Variants in KCNN2 observed in about 807,000 individuals in gnomAD.
The protein encoded by KCNN2 is potassium calcium-activated channel subfamily N member 2, also known as small conductance calcium-activated potassium channel protein 2.
Under a neutral mutation model 55.5 loss-of-function variants are expected in KCNN2, and 24 were observed. The observed-to-expected ratio is 0.43, with a 90% CI of 0.31 to 0.61. The LOEUF is 0.61. Among genes scored for constraint, KCNN2 ranks in the 20% least tolerant of loss-of-function variants. The pLI is 0.08. For synonymous variants in KCNN2, 431 were observed against 336.1 expected (o/e 1.28, Z -3.09); for missense variants, 754 against 853.6 (o/e 0.88, Z 1.45).
intron 2 of KCNN2, among the ~76,000 whole-genome samples, chr5:114,243,426 G>A (rs1754683296): frequency 6.6e-6 from 1 of 152,162 alleles, no homozygotes; most frequent in South Asian, 2.1e-4. Flanking sequence ...TGAGTAGCGT[G>A]ATGAAATCTC....
intron 2 of KCNN2, among the ~76,000 whole-genome samples, chr5:114,295,989 A>G (rs1756005043): frequency 6.6e-6 from 1 of 152,252 alleles, no homozygotes; most frequent in South Asian, 2.1e-4. Flanking sequence ...GGTAATAGTC[A>G]TAAGTACTAC....
chr5:114,293,684 T>A (rs1755945528), intron 2 of KCNN2, among the ~76,000 whole-genome samples: 1 of 152,234 alleles, frequency 6.6e-6, no homozygotes, highest in African/African-American at 2.4e-5. Context: ...GAGGCTTTGG[T>A]ATCAGGATGA....
chr5:114,179,571 C>T (rs553865545), intron 1 of KCNN2, among the ~76,000 whole-genome samples: 1 of 152,330 alleles, frequency 6.6e-6, no homozygotes, highest in African/African-American at 2.4e-5. Context: ...ATTATACTCT[C>T]CTTTTCTTAT....
chr5:114,150,739 A>G (rs1752503782), intron 1 of KCNN2, among the ~76,000 whole-genome samples: 1 of 152,174 alleles, frequency 6.6e-6, no homozygotes, highest in Non-Finnish European at 1.5e-5. Flanking sequence ...CAAATAAGCA[A>G]GGCCGGGCAC....
upstream of KCNN2, among the ~76,000 whole-genome samples, chr5:114,359,325 T>G (rs569611361): frequency 2.0e-4 from 30 of 152,326 alleles, no homozygotes; most frequent in South Asian, 6.2e-3. Flanking sequence ...TGAAGAGAAG[T>G]GAGAACTCCA....
chr5:114,295,793 G>A (rs539905309), intron 2 of KCNN2, among the ~76,000 whole-genome samples: 12 of 152,252 alleles, frequency 7.9e-5, no homozygotes, highest in Admixed American at 2.0e-4. Flanking sequence ...CTTCTGTGTC[G>A]CTCACACTGG....
In KCNN2 at chr5:114,283,791, T is replaced by C. The variant is rs1189653245; in HGVS notation, c.-185+62226T>C. ...GTCTCAAATTAAGGCTTGAGGACTTTCTGAGCTACCTAGATGATCTGCCAA... is the reference window on the plus strand; with the variant it reads ...GTCTCAAATTAAGGCTTGAGGACTTCCTGAGCTACCTAGATGATCTGCCAA... On this transcript the variant is annotated intron_variant, in intron 2 of 10. Transcript: ENST00000512097. Among the ~76,000 whole-genome samples the C allele has an allele frequency of 3.3e-5, 5 of 152,236 alleles. No individual in the cohort carries two copies. The South Asian group carries it at 1.0e-3, about 32-fold the overall frequency.
chr5:114,467,928 G>A (rs1761531967), intron 4 of KCNN2, among the ~76,000 whole-genome samples: 1 of 152,122 alleles, frequency 6.6e-6, no homozygotes, highest in Non-Finnish European at 1.5e-5. Flanking sequence ...ATTCATTGTT[G>A]ATGACCAGTT....
At chr5:114,151,568 A>C (rs1056311511) in intron 1 of KCNN2, among the ~76,000 whole-genome samples, 3 of 152,200 alleles carry the variant, frequency 2.0e-5, no homozygotes. Context: ...AAATTGGTCA[A>C]TTCAATGACC....
intron 2 of KCNN2, among the ~76,000 whole-genome samples, chr5:114,254,802 A>C (rs972864575): frequency 2.0e-5 from 3 of 152,186 alleles, no homozygotes; most frequent in African/African-American, 4.8e-5. Context: ...AAAAACAAGC[A>C]AACAAATGTT....
At chr5:114,108,015 T>C (rs1751523636) in intron 1 of KCNN2, among the ~76,000 whole-genome samples, 1 of 152,102 alleles carries the variant, frequency 6.6e-6, no homozygotes, top group South Asian at 2.1e-4. Context: ...AGATAGGATA[T>C]CTAATGTCCT....
chr5:114,400,609 A>G (rs1363955749), intron 2 of KCNN2, among the ~76,000 whole-genome samples: 2 of 152,218 alleles, frequency 1.3e-5, no homozygotes, highest in Non-Finnish European at 2.9e-5. Flanking sequence ...GGTCCCAGTT[A>G]GTCTCTTCAA....
chr5:114,483,225 G>A (rs908153798), intron 5 of KCNN2, among the ~76,000 whole-genome samples: 8 of 151,338 alleles, frequency 5.3e-5, no homozygotes, highest in African/African-American at 1.9e-4. Flanking sequence ...AAGGAATCTG[G>A]GTAAGTACTA....
chr5:114,067,892 C>G (rs1488895747), intron 1 of KCNN2, among the ~76,000 whole-genome samples: 2 of 152,164 alleles, frequency 1.3e-5, no homozygotes, highest in African/African-American at 4.8e-5. Context: ...GTTTTACCCC[C>G]TCAGATCATT....
intron 2 of KCNN2, among the ~76,000 whole-genome samples, chr5:114,222,026 T>G (rs986033483): frequency 2.0e-5 from 3 of 152,198 alleles, no homozygotes; most frequent in African/African-American, 7.2e-5. Context: ...TTAAAACAAG[T>G]TAAAGTGCAT....
intron 2 of KCNN2, among the ~76,000 whole-genome samples, chr5:114,312,426 CACACACACATATATATATATAT>C (rs1209962212): frequency 4.0e-3 from 111 of 27,468 alleles, no homozygotes; most frequent in Middle Eastern, 0.018. Context: ...CACACACACA[CACACACACATATATATATATAT>C]ATATATATAT....
Position 114,318,564 on chromosome 5 carries a change from A to G in KCNN2, c.-184-42381A>G, listed in dbSNP as rs141507118. 6.6e-3 allele frequency among the ~76,000 whole-genome samples: 997 copies of G among 151,568 alleles called. 28 individuals are homozygous for G. The East Asian group carries it at 0.085, about 13-fold the overall frequency. ...TCATACACTTATCATAACAATGATAATATCATAATGTAATTTTGTATTATA... is the reference window on the plus strand; with the variant it reads ...TCATACACTTATCATAACAATGATAGTATCATAATGTAATTTTGTATTATA... On this transcript the variant is annotated intron_variant, in intron 2 of 10. Coordinates refer to the KCNN2 transcript ENST00000512097.
intron 1 of KCNN2, among the ~76,000 whole-genome samples, chr5:114,127,425 C>T (rs1240205970): frequency 2.6e-5 from 4 of 152,196 alleles, no homozygotes; most frequent in African/African-American, 2.4e-5. Flanking sequence ...AGCTTGCACC[C>T]TCTGAAGCCA....
At chr5:114,416,723 T>A (rs1759317934) in intron 3 of KCNN2, among the ~76,000 whole-genome samples, 1 of 152,206 alleles carries the variant, frequency 6.6e-6, no homozygotes, top group Admixed American at 6.5e-5. Context: ...TTTATTAAAT[T>A]GTATTTAATA....
Sources: allele counts gnomAD v4.1 joint callset (sites outside exome capture counted in the v4.1 genomes callset), GRCh38; gene constraint gnomAD v4.1.1; transcripts MANE v1.5; gene names NCBI Gene and HGNC (gene_info 2026-07-23, HGNC 2026-07-21).